Variants in BMP5 observed in about 807,000 individuals in gnomAD.
The protein encoded by BMP5 is bone morphogenetic protein 5.
BMP5 carries 23 observed loss-of-function variants against 46.6 expected under a neutral mutation model. The ratio of observed to expected loss-of-function variants is 0.49; its 90% confidence interval spans 0.35 to 0.70. The LOEUF is 0.70. Among genes scored for constraint, BMP5 ranks in the 30% least tolerant of loss-of-function variants. The pLI, the probability that BMP5 is intolerant of heterozygous loss-of-function variation, is 0.00. For missense variants in BMP5, 545 were observed against 565.6 expected, an observed-to-expected ratio of 0.96 and a Z score of 0.37; for synonymous variants, 204 against 191.9, an observed-to-expected ratio of 1.06 and a Z score of -0.52.
chr6:55,762,031 A>T (rs1382138147), intron 4 of BMP5, among the ~76,000 whole-genome samples: 2 of 152,120 alleles, frequency 1.3e-5, no homozygotes, highest in Non-Finnish European at 2.9e-5. Flanking sequence ...GTAATCTGAA[A>T]TACCCATAAC....
At position 55,760,541 on chromosome 6, in the gene BMP5, T is replaced by G; in HGVS notation, c.1028-8A>C. On this transcript the variant is annotated splice_polypyrimidine_tract_variant and splice_region_variant and intron_variant, in intron 4 of 6. Coordinates refer to ENST00000370830, the MANE Select transcript of BMP5 (RefSeq NM_021073.4). ...GCTCACTTGTGTTATAATCTGAAGA[T>G]AAAAACCACATTTTGAATAAATGGT... 1 of 1,611,594 alleles carries G rather than the reference T, an allele frequency of 6.2e-7. No individual in the cohort carries two copies.
intron 1 of BMP5, among the ~76,000 whole-genome samples, chr6:55,838,688 C>T (rs1776882363): frequency 6.6e-6 from 1 of 152,012 alleles, no homozygotes; most frequent in African/African-American, 2.4e-5. Context: ...GACATCTGGA[C>T]TTCTCCAGGT....
At chr6:55,864,421 G>A (rs529263301) in intron 1 of BMP5, among the ~76,000 whole-genome samples, 2 of 152,250 alleles carry the variant, frequency 1.3e-5, no homozygotes, top group African/African-American at 4.8e-5. Flanking sequence ...GTTCCCTTGA[G>A]AGCAGGCTGT....
intron 1 of BMP5, among the ~76,000 whole-genome samples, chr6:55,872,223 A>G (rs926340775): frequency 6.6e-6 from 1 of 151,798 alleles, no homozygotes; most frequent in African/African-American, 2.4e-5. Flanking sequence ...AAGTCTACCA[A>G]GAAAAACTCA....
chr6:55,829,895 T>A (rs1776625581), intron 1 of BMP5, among the ~76,000 whole-genome samples: 1 of 151,980 alleles, frequency 6.6e-6, no homozygotes, highest in African/African-American at 2.4e-5. Flanking sequence ...ATATGTAATA[T>A]AACCAAATCT....
At chr6:55,815,833 T>G (rs1417971854) in intron 2 of BMP5, among the ~76,000 whole-genome samples, 3 of 152,114 alleles carry the variant, frequency 2.0e-5, no homozygotes, top group Non-Finnish European at 4.4e-5. Flanking sequence ...CTATAAAGTA[T>G]TAATAGACTC....
At chr6:55,870,993 T>C (rs1777773367) in intron 1 of BMP5, among the ~76,000 whole-genome samples, 1 of 152,000 alleles carries the variant, frequency 6.6e-6, no homozygotes, top group South Asian at 2.1e-4. Context: ...TTTTCCTGTT[T>C]TTACTTCCTC....
chr6:55,866,555 C>A (rs7754910), intron 1 of BMP5, among the ~76,000 whole-genome samples: 1 of 152,074 alleles, frequency 6.6e-6, no homozygotes, highest in Admixed American at 6.5e-5. Context: ...ATACAATTGA[C>A]AATAAACAGG....
At chr6:55,822,554 A>C (rs1776434116) in intron 1 of BMP5, among the ~76,000 whole-genome samples, 1 of 152,032 alleles carries the variant, frequency 6.6e-6, no homozygotes. Flanking sequence ...ACCATTATTC[A>C]TTTTTTCATT....
At chr6:55,833,223 G>A (rs1776707538) in intron 1 of BMP5, among the ~76,000 whole-genome samples, 1 of 152,174 alleles carries the variant, frequency 6.6e-6, no homozygotes, top group African/African-American at 2.4e-5. Context: ...TTTAGACTCT[G>A]CAAAATGCAA....
At chr6:55,859,482 A>G (rs1385176670) in intron 1 of BMP5, among the ~76,000 whole-genome samples, 1 of 152,376 alleles carries the variant, frequency 6.6e-6, no homozygotes. Flanking sequence ...TCAGTCATCA[A>G]AAATATATTC....
intron 4 of BMP5, among the ~76,000 whole-genome samples, chr6:55,773,715 A>C (rs1168201465): frequency 1.3e-5 from 2 of 151,970 alleles, no homozygotes; most frequent in Admixed American, 1.3e-4. Flanking sequence ...TTGACCATCC[A>C]TTTTTGAAAG....
intron 2 of BMP5, among the ~76,000 whole-genome samples, chr6:55,818,423 A>G (rs1776328777): frequency 6.6e-6 from 1 of 152,118 alleles, no homozygotes; most frequent in Admixed American, 6.6e-5. Context: ...TGCTTTTCTA[A>G]AGAATCAGAA....
intron 1 of BMP5, among the ~76,000 whole-genome samples, chr6:55,826,929 A>G (rs955799540): frequency 1.3e-5 from 2 of 151,706 alleles, no homozygotes; most frequent in Non-Finnish European, 3.0e-5. Context: ...GAAAGTTTCA[A>G]CTAATAACAA....
At chr6:55,781,305 A>G (rs1363972783) in intron 3 of BMP5, among the ~76,000 whole-genome samples, 1 of 152,124 alleles carries the variant, frequency 6.6e-6, no homozygotes, top group East Asian at 1.9e-4. Flanking sequence ...TAAAAATTAT[A>G]CATATCTTAA....
intron 1 of BMP5, among the ~76,000 whole-genome samples, chr6:55,820,191 T>G (rs1776374429): frequency 6.6e-6 from 1 of 152,162 alleles, no homozygotes; most frequent in Non-Finnish European, 1.5e-5. Flanking sequence ...ATTCTGAATA[T>G]GTTACCGTAA....
chr6:55,865,576 G>T (rs1179720145), intron 1 of BMP5, among the ~76,000 whole-genome samples: 1 of 152,126 alleles, frequency 6.6e-6, no homozygotes, highest in East Asian at 1.9e-4. Flanking sequence ...CTTGAAGAAA[G>T]AGTCAATGAA....
intron 1 of BMP5, among the ~76,000 whole-genome samples, chr6:55,836,633 C>CAT (rs1014470162): frequency 9.4e-6 from 1 of 106,944 alleles, no homozygotes; most frequent in African/African-American, 3.5e-5. Flanking sequence ...TACATACATA[C>CAT]ACACACACAC....
chr6:55,794,192 C>T, intron 3 of BMP5, 87 bp downstream of exon 3: 1 of 1,398,174 alleles, frequency 7.2e-7, no homozygotes, highest in South Asian at 1.2e-5. Flanking sequence ...AAATATAAAA[C>T]ATATATTGGT....
Sources: gnomAD v4.1 joint callset for allele counts (sites outside exome capture counted in the v4.1 genomes callset) on GRCh38, gnomAD v4.1.1 for gene constraint, MANE v1.5 for transcripts, NCBI Gene and HGNC (gene_info 2026-07-23, HGNC 2026-07-21) for gene names.